The following GABBR2 variants were observed in gnomAD, a reference collection of about 807,000 sequenced individuals.
The protein encoded by GABBR2 is gamma-aminobutyric acid type B receptor subunit 2.
GABBR2 carries 23 observed loss-of-function variants against 105.6 expected under a neutral mutation model. That is an observed-to-expected ratio of 0.22 (90% confidence interval 0.16 to 0.31). The LOEUF (loss-of-function observed/expected upper bound fraction) is 0.31, where lower values mean the gene tolerates loss of function less well. Ranked by LOEUF, GABBR2 falls within the 10% of genes least tolerant of loss-of-function variation. The pLI is 1.00. For missense variants in GABBR2, 734 were observed against 1,245.5 expected (o/e 0.59, Z 6.18); for synonymous variants, 478 against 499.7 (o/e 0.96, Z 0.58).
At chr9:98,350,218 T>C (rs1462207669) in intron 13 of GABBR2, among the ~76,000 whole-genome samples, 2 of 151,094 alleles carry the variant, frequency 1.3e-5, no homozygotes, top group Non-Finnish European at 2.9e-5. Context: ...CTTCATCCTT[T>C]GTATTTTTTT....
At chr9:98,373,925 A>C (rs1284015354) in intron 11 of GABBR2, among the ~76,000 whole-genome samples, 1 of 139,840 alleles carries the variant, frequency 7.2e-6, no homozygotes, top group Non-Finnish European at 1.5e-5. Context: ...TGGTACAATC[A>C]CAGCTCATTT....
intron 2 of GABBR2, among the ~76,000 whole-genome samples, chr9:98,543,880 T>G (rs1290633051): frequency 6.6e-6 from 1 of 152,226 alleles, no homozygotes; most frequent in Non-Finnish European, 1.5e-5. Context: ...ATCACGGTTT[T>G]TTTTAATGAG....
At chr9:98,574,025 G>C (rs1654234165) in intron 2 of GABBR2, among the ~76,000 whole-genome samples, 2 of 152,208 alleles carry the variant, frequency 1.3e-5, no homozygotes, top group Admixed American at 1.3e-4. Context: ...TGAAGGAAAG[G>C]GGGAAAAGAA....
chr9:98,393,124 AC>A (rs1832219686), intron 9 of GABBR2, among the ~76,000 whole-genome samples: 1 of 144,252 alleles, frequency 6.9e-6, no homozygotes, highest in African/African-American at 2.6e-5. Context: ...CCACTCATCC[AC>A]CCAACCATCC....
chr9:98,366,199 A>G (rs1267042229), intron 12 of GABBR2, among the ~76,000 whole-genome samples: 1 of 152,200 alleles, frequency 6.6e-6, no homozygotes, highest in African/African-American at 2.4e-5. Context: ...CTGGCTTACA[A>G]TAACTGTTCA....
intron 7 of GABBR2, among the ~76,000 whole-genome samples, chr9:98,408,406 T>A (rs1165816189): frequency 2.6e-5 from 4 of 152,148 alleles, no homozygotes; most frequent in African/African-American, 9.7e-5. Context: ...TGCATCAGGG[T>A]CACCATGGCA....
chr9:98,377,557 C>T (rs1482694947), intron 11 of GABBR2, among the ~76,000 whole-genome samples: 2 of 152,226 alleles, frequency 1.3e-5, no homozygotes, highest in Non-Finnish European at 2.9e-5. Context: ...TTTCAATCTA[C>T]ACTGCCAGCT....
intron 13 of GABBR2, among the ~76,000 whole-genome samples, chr9:98,336,402 C>T (rs1831115361): frequency 6.6e-6 from 1 of 152,092 alleles, no homozygotes; most frequent in Admixed American, 6.5e-5. Flanking sequence ...TAAGATACGT[C>T]GTGCGTTTAA....
intron 2 of GABBR2, among the ~76,000 whole-genome samples, chr9:98,542,788 T>C (rs528114954): frequency 1.1e-4 from 16 of 152,362 alleles, no homozygotes; most frequent in African/African-American, 3.8e-4. Flanking sequence ...TAATGATTTA[T>C]CACCAAATAA....
chr9:98,326,980 T>C (rs558317572), intron 13 of GABBR2, among the ~76,000 whole-genome samples: 92 of 152,328 alleles, frequency 6.0e-4, no homozygotes, highest in African/African-American at 2.1e-3. Context: ...TGGGTCTGTG[T>C]GATTGGAAGG....
At chr9:98,550,513 C>T (rs1376103176) in intron 2 of GABBR2, among the ~76,000 whole-genome samples, 1 of 152,178 alleles carries the variant, frequency 6.6e-6, no homozygotes, top group Non-Finnish European at 1.5e-5. Flanking sequence ...TTAAGTCATA[C>T]TGCCTCCATC....
chr9:98,680,218 CA>C lies in GABBR2; in HGVS notation c.321+28198del, dbSNP rs796328438. ...TTCTGAATGTGAAGACTCAATACTG[CA>C]AAAAAAAAATTATTCTCCTTTAATC... is the stretch of plus-strand genomic sequence containing the variant. On this transcript the variant is annotated intron_variant, in intron 1 of 18. Coordinates refer to ENST00000259455, the MANE Select transcript of GABBR2 (RefSeq NM_005458.8). Among the ~76,000 whole-genome samples, 738 of 148,962 alleles carry C rather than the reference CA, an allele frequency of 5.0e-3. 8 individuals carry two copies. Among genetic ancestry groups the C allele is most frequent in the African/African-American group, 0.016 (667 of 40,866 alleles).
At chr9:98,322,928 G>A (rs1405380859) in intron 13 of GABBR2, among the ~76,000 whole-genome samples, 1 of 151,860 alleles carries the variant, frequency 6.6e-6, no homozygotes, top group Admixed American at 6.6e-5. Context: ...TACTTCCTCT[G>A]ACCCCCTCAC....
chr9:98,486,654 A>G (rs757014831), intron 4 of GABBR2, among the ~76,000 whole-genome samples: 11 of 152,180 alleles, frequency 7.2e-5, no homozygotes, highest in Non-Finnish European at 1.3e-4. Flanking sequence ...TGAAAATTCA[A>G]ATGTCACAAT....
intron 1 of GABBR2, among the ~76,000 whole-genome samples, chr9:98,596,256 C>T (rs1829232206): frequency 1.3e-5 from 2 of 152,236 alleles, no homozygotes; most frequent in Admixed American, 1.3e-4. Context: ...TGAATTCATT[C>T]ATTCAAAGGG....
At chr9:98,603,338 C>T (rs186649235) in intron 1 of GABBR2, among the ~76,000 whole-genome samples, 106 of 152,284 alleles carry the variant, frequency 7.0e-4, no homozygotes, top group Non-Finnish European at 1.2e-3. Flanking sequence ...GGAACTTTTC[C>T]ACTGTGTTTC....
In GABBR2 at chr9:98,668,166, AG is replaced by A. The variant is rs140869068; in HGVS notation, c.321+40250del. Among the ~76,000 whole-genome samples, 102 of 152,314 alleles carry A rather than the reference AG, an allele frequency of 6.7e-4. 3 individuals are homozygous for A. In the East Asian group the frequency reaches 0.011, roughly 16 times the overall value. On this transcript the variant is annotated intron_variant, in intron 1 of 18. Coordinates refer to ENST00000259455, the MANE Select transcript of GABBR2 (RefSeq NM_005458.8). ...CTACCGTCCGTCCTCTTTTGGCCACAGTCGACTTTCCCATACACTCCCCAAT... is the reference window on the plus strand; with the variant it reads ...CTACCGTCCGTCCTCTTTTGGCCACATCGACTTTCCCATACACTCCCCAAT...
At chr9:98,410,863 C>T (rs1017020138) in intron 7 of GABBR2, among the ~76,000 whole-genome samples, 8 of 152,168 alleles carry the variant, frequency 5.3e-5, no homozygotes, top group African/African-American at 1.9e-4. Flanking sequence ...CATCACTTTC[C>T]CTTTCATTCT....
intron 13 of GABBR2, among the ~76,000 whole-genome samples, chr9:98,317,186 A>G (rs1211251411): frequency 6.6e-6 from 1 of 152,196 alleles, no homozygotes; most frequent in African/African-American, 2.4e-5. Flanking sequence ...CCTGCCTGGC[A>G]GGGCACCGTG....
Sources: gnomAD v4.1 joint callset for allele counts (sites outside exome capture counted in the v4.1 genomes callset) on GRCh38, gnomAD v4.1.1 for gene constraint, MANE v1.5 for transcripts, NCBI Gene and HGNC (gene_info 2026-07-23, HGNC 2026-07-21) for gene names.